Variants in ZNF875 observed in about 807,000 individuals in gnomAD.
ZNF875 encodes the protein HKR1, GLI-Kruppel zinc finger family member.
Under a neutral mutation model 11.2 loss-of-function variants are expected in ZNF875, and 14 were observed. The observed-to-expected ratio is 1.26, with a 90% CI of 0.83 to 1.96. The LOEUF (loss-of-function observed/expected upper bound fraction) is 1.96, where lower values mean the gene tolerates loss of function less well. ZNF875 is among the 30% of genes most tolerant of loss of function. ZNF875 has a pLI of 0.00. For synonymous variants in ZNF875, 301 were observed against 281.1 expected, an observed-to-expected ratio of 1.07 and a Z score of -0.71; for missense variants, 752 against 760.4, an observed-to-expected ratio of 0.99 and a Z score of 0.13.
upstream of ZNF875, among the ~76,000 whole-genome samples, chr19:37,331,814 CG>C (rs2033445195): frequency 1.6e-5 from 2 of 125,796 alleles, no homozygotes. Context: ...ACCCCCAGCC[CG>C]ACACCCGTAA....
At chr19:37,350,726 C>T (rs1009200623) in intron 4 of ZNF875, among the ~76,000 whole-genome samples, 2 of 151,668 alleles carry the variant, frequency 1.3e-5, no homozygotes, top group African/African-American at 4.8e-5. Context: ...AGAAAACTCT[C>T]CTGTGCTATC....
chr19:37,327,013 G>A lies in ZNF875; in HGVS notation c.-603+2748G>A, dbSNP rs188669087. 6.3e-3 allele frequency among the ~76,000 whole-genome samples: 952 copies of A among 150,224 alleles called. 25 individuals carry two copies. Among genetic ancestry groups the A allele is most frequent in the East Asian group, 0.053 (273 of 5,106 alleles). The stretch of plus-strand genomic sequence containing the variant: ...ATTATTATAATTTTTTTTTTTTCGA[G>A]ATGAAGTCTTGCTCTGTCTCCCAGG... On this transcript the variant is annotated intron_variant, in intron 4 of 5. Transcript: ENST00000544914.
chr19:37,332,576 C>T (rs546076758), upstream of ZNF875, among the ~76,000 whole-genome samples: 6 of 152,170 alleles, frequency 3.9e-5, no homozygotes, highest in East Asian at 1.2e-3. Context: ...GAGGTAGCCT[C>T]ATTCTACAGG....
At chr19:37,351,927 A>G (rs566562472) in intron 4 of ZNF875, among the ~76,000 whole-genome samples, 68 of 152,288 alleles carry the variant, frequency 4.5e-4, no homozygotes, top group Non-Finnish European at 7.4e-4. Flanking sequence ...CAGATAGGTC[A>G]TATTGGTAAT....
chr19:37,338,607 A>G lies in ZNF875; in HGVS notation c.33+3350A>G, dbSNP rs187846668. Among the ~76,000 whole-genome samples the G allele has an allele frequency of 2.2e-3, 338 of 152,346 alleles. 3 individuals carry two copies. The highest frequency in any genetic ancestry group is 2.9e-3 in the Non-Finnish European group (196 of 68,032). On this transcript the variant is annotated intron_variant, in intron 2 of 4. Coordinates refer to ENST00000392153, the MANE Select transcript of ZNF875 (RefSeq NM_001353803.2). ...TTGTTCTTCAATGTAGCTTTTTAAC[A>G]TAGTATTTACTCAGGAAAAATTAAA...
intron 4 of ZNF875, among the ~76,000 whole-genome samples, chr19:37,358,907 A>AT (rs908121984): frequency 1.4e-4 from 21 of 145,050 alleles, no homozygotes; most frequent in Middle Eastern, 3.8e-3. Flanking sequence ...ATATATATAT[A>AT]TTTTTTTTTT....
At chr19:37,330,044 T>TA (rs1258658749), upstream of ZNF875, among the ~76,000 whole-genome samples, 2 of 152,110 alleles carry the variant, frequency 1.3e-5, no homozygotes, top group South Asian at 2.1e-4. Flanking sequence ...GACTTACCAT[T>TA]AAAAAAAATC....
chr19:37,360,246 T>G (rs2039681436), intron 4 of ZNF875, among the ~76,000 whole-genome samples: 1 of 152,256 alleles, frequency 6.6e-6, no homozygotes, highest in Non-Finnish European at 1.5e-5. Context: ...ATCTAAGTGT[T>G]CATTTCTAGT....
At position 37,344,131 on chromosome 19, in the gene ZNF875, C is replaced by T. The variant is rs149461730; in HGVS notation, c.34-3059C>T. 2.8e-4 allele frequency among the ~76,000 whole-genome samples: 42 copies of T among 152,132 alleles called. No individual in the cohort carries two copies. The East Asian group carries it at 7.9e-3, about 29-fold the overall frequency. On this transcript the variant is annotated intron_variant, in intron 2 of 4. Coordinates refer to ENST00000392153, the MANE Select transcript of ZNF875 (RefSeq NM_001353803.2). ...CATAAGGTAAGTACTATTATAATATCGATTTTATAGGAAATTGAGACACAG... is the reference window on the plus strand; with the variant it reads ...CATAAGGTAAGTACTATTATAATATTGATTTTATAGGAAATTGAGACACAG...
intron 4 of ZNF875, among the ~76,000 whole-genome samples, chr19:37,360,206 G>A (rs773951948): frequency 3.3e-5 from 5 of 152,022 alleles, no homozygotes; most frequent in Non-Finnish European, 5.9e-5. Flanking sequence ...AATTACCTTG[G>A]CACCTTTATC....
chr19:37,363,640 C>G lies in ZNF875; in HGVS notation c.1788C>G (p.Gly596=), dbSNP rs2146767601. ...ATGTGTGCAGGGAGTGTGGGCAAGGCTTTAGCCGGCAGTCACACCTCATTA... is the reference window on the plus strand; with the variant it reads ...ATGTGTGCAGGGAGTGTGGGCAAGGGTTTAGCCGGCAGTCACACCTCATTA... ...KPHVCRECGQ[G]FSRQSHLIRH... is the part of the protein sequence containing the mutation. Residue 596 remains glycine (G), a synonymous_variant, in exon 5 of 5, where the codon GGC becomes GGG. Transcript: ENST00000392153. 2 of 1,613,942 alleles carry G rather than the reference C, an allele frequency of 1.2e-6. No homozygotes were observed. The highest frequency in any genetic ancestry group is 4.5e-5 in the East Asian group (2 of 44,870).
chr19:37,363,878 C>A lies in ZNF875; in HGVS notation c.*103C>A. The A allele has an allele frequency of 1.1e-6, 1 of 893,962 alleles. No homozygotes were observed. The highest frequency in any genetic ancestry group is 1.8e-6 in the Non-Finnish European group (1 of 568,550). The allele number at this position is 893,962 out of a possible 1,614,324, so 55.4% of individuals were successfully genotyped here. ...AGTGCTGTGGCTTTTTCAGCCATTGCTAGATACCAAAGTGGAGACATTCTG... is the reference window on the plus strand; with the variant it reads ...AGTGCTGTGGCTTTTTCAGCCATTGATAGATACCAAAGTGGAGACATTCTG... On this transcript the variant is annotated 3_prime_UTR_variant, in exon 5 of 5. Coordinates refer to ENST00000392153, the MANE Select transcript of ZNF875 (RefSeq NM_001353803.2).
chr19:37,318,319 G>T (rs1396953598), intron 1 of ZNF875: 1 of 152,088 alleles, frequency 6.6e-6, no homozygotes, highest in African/African-American at 2.4e-5. Context: ...TACATTACTA[G>T]TTTATATTAT....
At chr19:37,357,222 T>C (rs577231880) in intron 4 of ZNF875, among the ~76,000 whole-genome samples, 19 of 152,350 alleles carry the variant, frequency 1.2e-4, no homozygotes, top group Admixed American at 9.2e-4. Flanking sequence ...TCAGTTAATA[T>C]AGCCTTGTAG....
Position 37,363,754 on chromosome 19 carries a change from T to A in ZNF875, c.1902T>A (p.His634Gln). 2 of 1,612,790 alleles carry A rather than the reference T, an allele frequency of 1.2e-6. No individual in the cohort carries two copies. The highest frequency in any genetic ancestry group is 1.7e-6 in the Non-Finnish European group (2 of 1,179,456). The change falls in exon 5 of 5, where the codon CAT becomes CAA. Residue 634 changes from histidine to glutamine, a missense_variant. Physicochemically the swap from His to Gln is conservative, Grantham distance 24 (BLOSUM62 0). Coordinates refer to ENST00000392153, the MANE Select transcript of ZNF875 (RefSeq NM_001353803.2). ...GTCGGAAGTCCAACCTTATCAGACA[T>A]CAGAGGACACACTCAGGATAGAAAC... ...GFSRKSNLIR[H>Q]QRTHSG
chr19:37,344,691 G>A (rs1245192015), intron 2 of ZNF875: 1 of 1,613,814 alleles, frequency 6.2e-7, no homozygotes, highest in South Asian at 1.1e-5. Context: ...AATCATGAGG[G>A]TCAACCACAC....
chr19:37,362,636 A>G lies in ZNF875; in HGVS notation c.784A>G (p.Ser262Gly), dbSNP rs2040135281. 2 of 1,613,218 alleles carry G rather than the reference A, an allele frequency of 1.2e-6. No homozygotes were observed. Among genetic ancestry groups the G allele is most frequent in the African/African-American group, 2.7e-5 (2 of 74,908 alleles). ...TPYMYTEWGD[S>G]FGSMSVLIKN... The stretch of plus-strand genomic sequence containing the variant: ...TTACATGTACACTGAGTGGGGAGAC[A>G]GCTTTGGCAGTATGTCAGTCCTCAT... The change falls in exon 5 of 5, where the codon AGC becomes GGC. Residue 262 changes from serine (S) to glycine (G), a missense_variant. By Grantham distance (56) the Ser-to-Gly change is moderately conservative. Coordinates refer to ENST00000392153, the MANE Select transcript of ZNF875 (RefSeq NM_001353803.2).
chr19:37,326,332 T>G (rs1319501211), intron 4 of ZNF875, among the ~76,000 whole-genome samples: 2 of 152,140 alleles, frequency 1.3e-5, no homozygotes, highest in East Asian at 1.9e-4. Flanking sequence ...CCTCCTTTAT[T>G]CCCATCTACC....
chr19:37,335,343 T>A, intron 2 of ZNF875, 86 bp downstream of exon 2: 1 of 630,692 alleles, frequency 1.6e-6, no homozygotes. Context: ...CTTGTTGGTA[T>A]TGGGCAAAGT....
Sources: allele counts gnomAD v4.1 joint callset (sites outside exome capture counted in the v4.1 genomes callset), GRCh38; gene constraint gnomAD v4.1.1; transcripts MANE v1.5; gene names NCBI Gene and HGNC (gene_info 2026-07-23, HGNC 2026-07-21).